Variants in MGAT5 observed in about 807,000 individuals in gnomAD.
The protein encoded by MGAT5 is alpha-1,6-mannosylglycoprotein 6-beta-N-acetylglucosaminyltransferase A.
Under a neutral mutation model 94.3 loss-of-function variants are expected in MGAT5, and 30 were observed. The observed-to-expected ratio is 0.32, with a 90% CI of 0.24 to 0.43. The LOEUF (loss-of-function observed/expected upper bound fraction) is 0.43, where lower values mean the gene tolerates loss of function less well. MGAT5 is among the 20% of genes least tolerant of loss of function. The probability of loss-of-function intolerance (pLI) is 1.00; values close to 1 mark genes in which losing one functional copy is unlikely to be tolerated. For missense variants in MGAT5, 691 were observed against 905.5 expected (o/e 0.76, Z 3.04); for synonymous variants, 310 against 322.9 (o/e 0.96, Z 0.43).
intron 1 of MGAT5, among the ~76,000 whole-genome samples, chr2:134,145,723 C>T (rs981712599): frequency 1.3e-5 from 2 of 152,192 alleles, no homozygotes; most frequent in South Asian, 2.1e-4. Flanking sequence ...GTTGCTTAAC[C>T]TCTCTGATTT....
chr2:134,362,794 C>T (rs370225728), intron 10 of MGAT5, among the ~76,000 whole-genome samples: 54 of 152,352 alleles, frequency 3.5e-4, no homozygotes, highest in African/African-American at 1.3e-3. Context: ...GGGAGGTAGT[C>T]TGTGGAGGTA....
At chr2:134,205,563 G>A (rs1051408788) in intron 1 of MGAT5, among the ~76,000 whole-genome samples, 3 of 152,162 alleles carry the variant, frequency 2.0e-5, no homozygotes, top group Non-Finnish European at 4.4e-5. Flanking sequence ...AGAAAGCAGC[G>A]GCTCTCTTTC....
At chr2:134,361,857 T>C (rs904613541) in intron 9 of MGAT5, among the ~76,000 whole-genome samples, 5 of 152,206 alleles carry the variant, frequency 3.3e-5, no homozygotes, top group Non-Finnish European at 4.4e-5. Flanking sequence ...GATTCAGTTA[T>C]GTGGGGACTC....
At chr2:134,216,459 G>A (rs535411647) in intron 1 of MGAT5, among the ~76,000 whole-genome samples, 1 of 152,312 alleles carries the variant, frequency 6.6e-6, no homozygotes, top group East Asian at 1.9e-4. Flanking sequence ...TGAAAGCACA[G>A]CCATTGTGTT....
At chr2:134,328,003 G>T (rs747857845) in intron 4 of MGAT5, among the ~76,000 whole-genome samples, 2 of 152,114 alleles carry the variant, frequency 1.3e-5, no homozygotes, top group Non-Finnish European at 2.9e-5. Context: ...TGGGAGCTGT[G>T]CCTAGTGAGA....
intron 10 of MGAT5, among the ~76,000 whole-genome samples, chr2:134,363,965 G>T (rs1206866179): frequency 6.6e-6 from 1 of 152,196 alleles, no homozygotes; most frequent in Non-Finnish European, 1.5e-5. Flanking sequence ...TAGGAGGACT[G>T]TGGCTTTTAA....
intron 2 of MGAT5, among the ~76,000 whole-genome samples, chr2:134,286,694 A>G (rs2105750922): frequency 6.6e-6 from 1 of 152,312 alleles, no homozygotes; most frequent in Non-Finnish European, 1.5e-5. Context: ...TGCTGAGATT[A>G]TAGGTGAGCC....
At chr2:134,349,964 T>C in intron 9 of MGAT5, 26 bp downstream of exon 9, 1 of 1,611,250 alleles carries the variant, frequency 6.2e-7, no homozygotes. Context: ...TCATGTATGC[T>C]TTCCAGAATG....
chr2:134,254,600 G>C lies in MGAT5; in HGVS notation c.197G>C (p.Arg66Thr). Residue 66 changes from arginine to threonine, a missense_variant, in exon 1 of 16, where the codon AGG (arginine) becomes ACG (threonine). By Grantham distance (71) the Arg-to-Thr change is moderately conservative. Coordinates refer to ENST00000281923, the MANE Select transcript of MGAT5 (RefSeq NM_002410.5). ...RYIKALAEENRNVVDGPYAGV... is the reference protein window; with the variant it reads ...RYIKALAEENTNVVDGPYAGV... ...ATCAAGGCACTGGCAGAAGAAAACA[G>C]GAATGTGGTGGATGGGCCATACGCT... is the stretch of plus-strand genomic sequence containing the variant. The C allele has an allele frequency of 3.7e-6, 6 of 1,614,218 alleles. No homozygotes were observed. The highest frequency in any genetic ancestry group is 5.1e-6 in the Non-Finnish European group (6 of 1,180,042).
chr2:134,385,217 G>A (rs939298055), intron 10 of MGAT5, among the ~76,000 whole-genome samples: 3 of 152,146 alleles, frequency 2.0e-5, no homozygotes, highest in Non-Finnish European at 2.9e-5. Context: ...CTTCGTCTAT[G>A]AGATAATTGA....
At chr2:134,326,052 C>CTCTCTTT (rs575100363) in intron 4 of MGAT5, among the ~76,000 whole-genome samples, 46 of 135,876 alleles carry the variant, frequency 3.4e-4, no homozygotes, top group East Asian at 1.7e-3. Flanking sequence ...CTCTCTCTCT[C>CTCTCTTT]TTTTTTTTTT....
chr2:134,381,789 G>A lies in MGAT5; in HGVS notation c.1380+19381G>A, dbSNP rs1390475560. Among the ~76,000 whole-genome samples the A allele has an allele frequency of 2.6e-5, 4 of 152,290 alleles. No homozygotes were observed. The East Asian group carries it at 7.7e-4, about 29-fold the overall frequency. On this transcript the variant is annotated intron_variant, in intron 10 of 15. Transcript: ENST00000281923. ...TCTTCAAATTTTGTAATTGGCTTTT[G>A]TGGACTTGGTCTTTAGGTTTGTTCT...
chr2:134,177,952 G>A (rs114017773), intron 1 of MGAT5, among the ~76,000 whole-genome samples: 1,761 of 152,312 alleles, frequency 0.012, 26 homozygotes, highest in African/African-American at 0.04. Context: ...AGGCCAATTG[G>A]TAGCCCATGA....
At chr2:134,287,416 A>G (rs1685079570) in intron 2 of MGAT5, among the ~76,000 whole-genome samples, 1 of 151,972 alleles carries the variant, frequency 6.6e-6, no homozygotes, top group Admixed American at 6.6e-5. Flanking sequence ...TTTCTTTTTC[A>G]GTTTGAGTTC....
At chr2:134,131,729 G>T (rs756798505) in intron 1 of MGAT5, among the ~76,000 whole-genome samples, 15 of 151,542 alleles carry the variant, frequency 9.9e-5, no homozygotes, top group Non-Finnish European at 2.2e-4. Context: ...CCCCCTTTTG[G>T]CTATGTGACT....
intron 2 of MGAT5, among the ~76,000 whole-genome samples, chr2:134,299,978 A>G (rs1685920957): frequency 6.6e-6 from 1 of 152,196 alleles, no homozygotes; most frequent in Admixed American, 6.5e-5. Flanking sequence ...ATATCATTAT[A>G]GAAAGCTTTA....
intron 9 of MGAT5, among the ~76,000 whole-genome samples, chr2:134,354,127 G>T (rs1679567906): frequency 6.6e-6 from 1 of 152,100 alleles, no homozygotes; most frequent in African/African-American, 2.4e-5. Context: ...TTTATTTCTT[G>T]TTAATTTTTC....
intron 2 of MGAT5, among the ~76,000 whole-genome samples, chr2:134,275,271 T>C (rs1684289823): frequency 6.6e-6 from 1 of 152,238 alleles, no homozygotes; most frequent in African/African-American, 2.4e-5. Context: ...ATGTTCTGTC[T>C]ATCTACCTGT....
chr2:134,215,179 C>G (rs540644351), intron 1 of MGAT5, among the ~76,000 whole-genome samples: 1 of 152,310 alleles, frequency 6.6e-6, no homozygotes, highest in South Asian at 2.1e-4. Context: ...CGTAGATGGG[C>G]ATTTAGATAA....
Sources: allele counts gnomAD v4.1 joint callset (sites outside exome capture counted in the v4.1 genomes callset), GRCh38; gene constraint gnomAD v4.1.1; transcripts MANE v1.5; gene names NCBI Gene and HGNC (gene_info 2026-07-23, HGNC 2026-07-21).